Variants in BBOX1 observed in about 807,000 individuals in gnomAD.
BBOX1 encodes the protein gamma-butyrobetaine hydroxylase 1, also known as gamma-butyrobetaine dioxygenase.
Under a neutral mutation model 41.6 loss-of-function variants are expected in BBOX1, and 35 were observed. That is an observed-to-expected ratio of 0.84 (90% CI 0.64 to 1.11). BBOX1 has a LOEUF of 1.11. Ranked by LOEUF, BBOX1 falls within the 50% of genes most tolerant of loss-of-function variation. The pLI is 0.00. For synonymous variants in BBOX1, 163 were observed against 154.7 expected, an observed-to-expected ratio of 1.05 and a Z score of -0.40; for missense variants, 458 against 460.6, an observed-to-expected ratio of 0.99 and a Z score of 0.05.
At chr11:27,115,606 T>C (rs774003844) in intron 6 of BBOX1, 49 bp downstream of exon 6, 1 of 1,488,822 alleles carries the variant, frequency 6.7e-7, no homozygotes, top group Non-Finnish European at 9.2e-7. Flanking sequence ...ATGACCAGTA[T>C]CTTTTCGTAT....
chr11:27,092,661 T>C (rs1177843112), intron 4 of BBOX1, among the ~76,000 whole-genome samples: 2 of 151,944 alleles, frequency 1.3e-5, no homozygotes, highest in Admixed American at 1.3e-4. Flanking sequence ...TCCCAGAGGT[T>C]GCTTCTTAAC....
In BBOX1 at chr11:27,127,526, C is replaced by T; in HGVS notation, c.*73C>T. 1 of 1,469,044 alleles carries T rather than the reference C, an allele frequency of 6.8e-7. No individual in the cohort carries two copies. The highest frequency in any genetic ancestry group is 9.2e-7 in the Non-Finnish European group (1 of 1,086,526). 91.0% of individuals were successfully genotyped at this position (1,469,044 alleles called of 1,614,324 possible). On this transcript the variant is annotated 3_prime_UTR_variant, in exon 9 of 9. Coordinates refer to ENST00000263182, the MANE Select transcript of BBOX1 (RefSeq NM_003986.3). ...GAGATATGGCACATTATTCACAGAC[C>T]ATGATCTTTGTGATTTACATATAAT...
rs769138649 is a variant in BBOX1 at position 27,093,235 on chromosome 11, T to C, written c.402T>C (p.Asp134=). The part of the protein sequence containing the change: ...TLDFEDVLRY[D]EHAYKWLSTL... ...ATTTTGAAGATGTTTTAAGATATGA[T>C]GAACACGCATACAAGTGGCTCTCCA... is the stretch of plus-strand genomic sequence containing the variant. Residue 134 remains aspartate (D), a synonymous_variant, in exon 5 of 9, where the codon GAT becomes GAC. Transcript: ENST00000263182. The C allele has an allele frequency of 1.2e-6, 2 of 1,612,532 alleles. No individual in the cohort carries two copies. The highest frequency in any genetic ancestry group is 8.5e-7 in the Non-Finnish European group (1 of 1,179,024).
chr11:27,067,457 A>G (rs899023289), intron 4 of BBOX1, among the ~76,000 whole-genome samples: 4 of 151,906 alleles, frequency 2.6e-5, no homozygotes, highest in African/African-American at 9.7e-5. Context: ...GCTCCGGGCC[A>G]GGCGCGGTGG....
chr11:27,107,141 G>T (rs1358617946), intron 5 of BBOX1, among the ~76,000 whole-genome samples: 1 of 152,118 alleles, frequency 6.6e-6, no homozygotes, highest in African/African-American at 2.4e-5. Flanking sequence ...AAGCAGGAAA[G>T]ATCTAAAATT....
chr11:27,061,659 C>T (rs574324245), intron 4 of BBOX1, among the ~76,000 whole-genome samples: 2 of 152,268 alleles, frequency 1.3e-5, no homozygotes, highest in East Asian at 1.9e-4. Flanking sequence ...GTGAGGGTTA[C>T]AGAGCTTTTA....
chr11:27,078,087 C>A (rs1345796261), intron 4 of BBOX1, among the ~76,000 whole-genome samples: 1 of 152,094 alleles, frequency 6.6e-6, no homozygotes, highest in African/African-American at 2.4e-5. Context: ...TTGCCTCCTG[C>A]ATGACTTATT....
chr11:27,048,989 T>C (rs926616611), intron 2 of BBOX1, among the ~76,000 whole-genome samples: 1 of 146,484 alleles, frequency 6.8e-6, no homozygotes, highest in Non-Finnish European at 1.5e-5. Context: ...TGAGTGAGAA[T>C]ATGCGGTGTT....
intron 4 of BBOX1, among the ~76,000 whole-genome samples, chr11:27,063,656 C>CAAA (rs11354714): frequency 7.1e-6 from 1 of 141,626 alleles, no homozygotes; most frequent in Non-Finnish European, 1.6e-5. Context: ...ATTGCACAGT[C>CAAA]AAAAAAAAAA....
At chr11:27,083,597 T>C (rs1376584647) in intron 4 of BBOX1, among the ~76,000 whole-genome samples, 1 of 152,118 alleles carries the variant, frequency 6.6e-6, no homozygotes, top group Non-Finnish European at 1.5e-5. Context: ...TGTTTCTTAA[T>C]CACCATGTCT....
At chr11:27,085,572 T>G (rs967982978) in intron 4 of BBOX1, among the ~76,000 whole-genome samples, 14 of 151,740 alleles carry the variant, frequency 9.2e-5, no homozygotes, top group African/African-American at 3.4e-4. Context: ...TCTCTCTCTC[T>G]CTCTCTCTCT....
chr11:27,070,612 G>A (rs12271270), intron 4 of BBOX1, among the ~76,000 whole-genome samples: 12,621 of 151,874 alleles, frequency 0.083, 1,682 homozygotes, highest in African/African-American at 0.29. Context: ...TATTTGCATG[G>A]AGTATCTTTT....
chr11:27,095,333 A>C (rs1126030), intron 5 of BBOX1, among the ~76,000 whole-genome samples: 151,945 of 152,086 alleles, frequency 1, 75,902 homozygotes, highest in Non-Finnish European at 1. Context: ...ACCCTGCAAA[A>C]CCATCACACT....
rs1310784439 is a variant in BBOX1, at chr11:27,109,712, C to T, written c.534-5740C>T. Among the ~76,000 whole-genome samples the T allele has an allele frequency of 2.6e-5, 4 of 152,032 alleles. No individual in the cohort carries two copies. The East Asian group carries it at 7.7e-4, about 29-fold the overall frequency. On this transcript the variant is annotated intron_variant, in intron 5 of 8. Coordinates refer to ENST00000263182, the MANE Select transcript of BBOX1 (RefSeq NM_003986.3). The stretch of plus-strand genomic sequence containing the variant: ...ATCAGCAGCGCTGAATTCTATCCTT[C>T]TGGGACTGAAGAATCAGTAAGAGCT...
chr11:27,127,479 G>A lies in BBOX1; in HGVS notation c.*26G>A, dbSNP rs768996453. ...AGTCACCTGTAGATAATTTTAATAA[G>A]ATTCCAATGACCATATTTTGTGAGA... is the stretch of plus-strand genomic sequence containing the variant. On this transcript the variant is annotated 3_prime_UTR_variant, in exon 9 of 9. Transcript: ENST00000263182. 18 of 1,582,142 alleles carry A rather than the reference G, an allele frequency of 1.1e-5. No homozygotes were observed. In the South Asian group the frequency reaches 2.0e-4, roughly 17 times the overall value.
Position 27,127,567 on chromosome 11 carries a change from C to G in BBOX1, c.*114C>G. 2 of 1,194,106 alleles carry G rather than the reference C, an allele frequency of 1.7e-6. No homozygotes were observed. Among genetic ancestry groups the G allele is most frequent in the Non-Finnish European group, 2.3e-6 (2 of 863,802 alleles). 74.0% of individuals were successfully genotyped at this position (1,194,106 alleles called of 1,614,324 possible). On this transcript the variant is annotated 3_prime_UTR_variant, in exon 9 of 9. Coordinates refer to ENST00000263182, the MANE Select transcript of BBOX1 (RefSeq NM_003986.3). ...TACATATAATTTCCTTAACAATGAA[C>G]ATGTAACTTCTCTCACAAGAGTACT...
intron 4 of BBOX1, among the ~76,000 whole-genome samples, chr11:27,067,836 G>T (rs1446524001): frequency 1.3e-5 from 2 of 152,002 alleles, no homozygotes; most frequent in African/African-American, 2.4e-5. Flanking sequence ...ACAGTATTTG[G>T]TTTTCCATTT....
In BBOX1 at chr11:27,046,318, A is replaced by T. The variant is rs377469259; in HGVS notation, c.-39+4840A>T. On this transcript the variant is annotated intron_variant, in intron 2 of 8. Transcript: ENST00000263182. ...AAAAAGGAGAAAACCCACACCCATC[A>T]CTGAAGTAATTTCAAAAACAAGCAA... 5.9e-5 allele frequency: 9 copies of T among 152,278 alleles called. No individual in the cohort carries two copies. The South Asian group carries it at 1.9e-3, about 32-fold the overall frequency. 9.4% of individuals were successfully genotyped at this position (152,278 alleles called of 1,614,324 possible).
intron 4 of BBOX1, among the ~76,000 whole-genome samples, chr11:27,057,778 G>A (rs762314800): frequency 6.6e-5 from 8 of 121,362 alleles, no homozygotes; most frequent in Non-Finnish European, 1.2e-4. Context: ...CACTGCAAAT[G>A]CCAGTGAGTG....
Sources: allele counts gnomAD v4.1 joint callset (sites outside exome capture counted in the v4.1 genomes callset), GRCh38; gene constraint gnomAD v4.1.1; transcripts MANE v1.5; gene names NCBI Gene and HGNC (gene_info 2026-07-23, HGNC 2026-07-21).